RNF144A: variants seen among roughly 807,000 people sequenced by gnomAD.
The protein encoded by RNF144A is E3 ubiquitin-protein ligase RNF144A.
In RNF144A, 11 loss-of-function variants were observed where a neutral mutation model predicts 38.7. The ratio of observed to expected loss-of-function variants is 0.28; its 90% CI spans 0.18 to 0.47. RNF144A has a LOEUF of 0.47. RNF144A is among the 20% of genes least tolerant of loss of function. The pLI, the probability that RNF144A is intolerant of heterozygous loss-of-function variation, is 0.99. For synonymous variants in RNF144A, 149 were observed against 143.9 expected (o/e 1.04, Z -0.25); for missense variants, 316 against 377.2 (o/e 0.84, Z 1.34).
chr2:6,994,679 T>A (rs1215819047), intron 2 of RNF144A, among the ~76,000 whole-genome samples: 1 of 152,174 alleles, frequency 6.6e-6, no homozygotes, highest in Admixed American at 6.5e-5. Flanking sequence ...TCATGATGCT[T>A]GTTTAAACTA....
chr2:7,060,114 A>C (rs1673894195), intron 6 of RNF144A, among the ~76,000 whole-genome samples: 1 of 151,114 alleles, frequency 6.6e-6, no homozygotes, highest in African/African-American at 2.4e-5. Flanking sequence ...GAGTGAATCT[A>C]CTGCTAAACA....
chr2:7,048,244 G>C (rs140595300), downstream of RNF144A, among the ~76,000 whole-genome samples: 1 of 152,268 alleles, frequency 6.6e-6, no homozygotes, highest in Non-Finnish European at 1.5e-5. Context: ...TCCACCTTCA[G>C]ATAATCGCAT....
intron 2 of RNF144A, among the ~76,000 whole-genome samples, chr2:6,985,144 G>A (rs1280045703): frequency 6.6e-6 from 1 of 152,148 alleles, no homozygotes; most frequent in Non-Finnish European, 1.5e-5. Flanking sequence ...AATTTTCTGG[G>A]CAGGTGGTCA....
At chr2:7,011,763 A>T in intron 3 of RNF144A, among the ~76,000 whole-genome samples, 1 of 152,228 alleles carries the variant, frequency 6.6e-6, no homozygotes, top group African/African-American at 2.4e-5. Flanking sequence ...TAGAATGAAA[A>T]CCATAGCTTG....
intron 2 of RNF144A, among the ~76,000 whole-genome samples, chr2:6,989,655 T>G (rs1669205999): frequency 6.6e-6 from 1 of 152,170 alleles, no homozygotes; most frequent in Non-Finnish European, 1.5e-5. Flanking sequence ...TTTTATGGGT[T>G]TTGATACGTG....
intron 7 of RNF144A, among the ~76,000 whole-genome samples, chr2:7,027,302 T>C (rs911219815): frequency 6.6e-6 from 1 of 152,256 alleles, no homozygotes; most frequent in Admixed American, 6.5e-5. Flanking sequence ...ATTTGCTATT[T>C]ACTGTAAAAA....
At chr2:6,920,148 T>A (rs1011632312) in intron 1 of RNF144A, among the ~76,000 whole-genome samples, 1 of 152,222 alleles carries the variant, frequency 6.6e-6, no homozygotes, top group African/African-American at 2.4e-5. Context: ...TGCCTGCCTC[T>A]GAGAACATTC....
chr2:6,949,426 A>G (rs1666540567), intron 2 of RNF144A, among the ~76,000 whole-genome samples: 1 of 146,928 alleles, frequency 6.8e-6, no homozygotes, highest in Non-Finnish European at 1.5e-5. Context: ...TTTTTTAAGG[A>G]AATCAAGAAA....
the RNF144A span, among the ~76,000 whole-genome samples, chr2:7,073,611 G>A: frequency 6.6e-6 from 1 of 152,188 alleles, no homozygotes; most frequent in Non-Finnish European, 1.5e-5. Context: ...CCCGATGCCT[G>A]GCCATTGACT....
intron 5 of RNF144A, among the ~76,000 whole-genome samples, chr2:7,015,601 G>C (rs1209336890): frequency 1.3e-5 from 2 of 152,218 alleles, no homozygotes; most frequent in Non-Finnish European, 2.9e-5. Flanking sequence ...CTTTAGCTCT[G>C]CTCTCTGAAA....
intron 1 of RNF144A, among the ~76,000 whole-genome samples, chr2:6,926,992 C>A (rs1272481593): frequency 2.0e-5 from 3 of 152,122 alleles, no homozygotes; most frequent in African/African-American, 7.2e-5. Context: ...GTCCACATGG[C>A]AGGGATTCAT....
At chr2:7,029,589 C>T (rs946048700) in intron 7 of RNF144A, among the ~76,000 whole-genome samples, 17 of 152,152 alleles carry the variant, frequency 1.1e-4, no homozygotes, top group Admixed American at 9.2e-4. Context: ...GGAGAGGAAG[C>T]GCTTTCTAGG....
At chr2:7,000,415 C>G (rs974915099) in intron 3 of RNF144A, among the ~76,000 whole-genome samples, 4 of 152,162 alleles carry the variant, frequency 2.6e-5, no homozygotes, top group African/African-American at 9.7e-5. Flanking sequence ...ATCCCGTGTT[C>G]GTTTTGTCAA....
chr2:6,996,619 T>A (rs1669758563), intron 2 of RNF144A: 4 of 262,126 alleles, frequency 1.5e-5, no homozygotes, highest in Middle Eastern at 1.2e-3. Flanking sequence ...CCTGGCATGG[T>A]GGCACTTGCC....
chr2:6,946,198 A>G (rs913255542), intron 2 of RNF144A, among the ~76,000 whole-genome samples: 3 of 152,252 alleles, frequency 2.0e-5, no homozygotes, highest in African/African-American at 4.8e-5. Context: ...ACAGAACTTC[A>G]TAGACACATG....
In RNF144A at chr2:6,991,866, G is replaced by T. The variant is rs893067789; in HGVS notation, c.-11-5050G>T. 6.6e-5 allele frequency among the ~76,000 whole-genome samples: 10 copies of T among 152,040 alleles called. No homozygotes were observed. In the South Asian group the frequency reaches 2.1e-3, roughly 32 times the overall value. Reference sequence around the variant, plus strand: ...TAATTGTTGTTATAATTATGGAATAGCTGCTGTGACCACTGTCCAGAAGGC... The same window carrying T: ...TAATTGTTGTTATAATTATGGAATATCTGCTGTGACCACTGTCCAGAAGGC... On this transcript the variant is annotated intron_variant, in intron 2 of 8. Transcript: ENST00000320892.
At chr2:6,963,589 A>G (rs1265912138) in intron 2 of RNF144A, among the ~76,000 whole-genome samples, 1 of 152,216 alleles carries the variant, frequency 6.6e-6, no homozygotes, top group African/African-American at 2.4e-5. Context: ...CGAACAAAAG[A>G]CTATTACAAG....
chr2:6,932,704 T>A (rs956823603), intron 1 of RNF144A, among the ~76,000 whole-genome samples: 9 of 152,210 alleles, frequency 5.9e-5, no homozygotes, highest in African/African-American at 2.2e-4. Flanking sequence ...GCTTCATTTT[T>A]ATGAGTGATA....
chr2:7,005,499 G>A (rs1013169094), intron 3 of RNF144A, among the ~76,000 whole-genome samples: 2 of 152,188 alleles, frequency 1.3e-5, no homozygotes, highest in African/African-American at 4.8e-5. Context: ...CAAAGGATGA[G>A]TTCCAGGGCT....
Sources: allele counts gnomAD v4.1 joint callset (sites outside exome capture counted in the v4.1 genomes callset), GRCh38; gene constraint gnomAD v4.1.1; transcripts MANE v1.5; gene names NCBI Gene and HGNC (gene_info 2026-07-23, HGNC 2026-07-21).